Variants in WWOX observed in about 807,000 individuals in gnomAD.
WWOX encodes WW domain containing oxidoreductase, also known as WW domain-containing oxidoreductase.
In WWOX, 69 loss-of-function variants were observed where a neutral mutation model predicts 46.2. That is an observed-to-expected ratio of 1.49 (90% CI 1.23 to 1.82). The LOEUF (loss-of-function observed/expected upper bound fraction) is 1.82, where lower values mean the gene tolerates loss of function less well. Among genes scored for constraint, WWOX ranks in the 40% most tolerant of loss-of-function variants. WWOX has a pLI of 0.00. For missense variants in WWOX, 919 were observed against 542.6 expected (o/e 1.69, Z -6.89); for synonymous variants, 359 against 202.6 (o/e 1.77, Z -6.56).
At chr16:78,568,226 C>G in intron 8 of WWOX, among the ~76,000 whole-genome samples, 1 of 152,010 alleles carries the variant, frequency 6.6e-6, no homozygotes, top group East Asian at 1.9e-4. Context: ...ATAGTAACTG[C>G]CTTGAGTGGG....
chr16:78,112,616 T>C (rs184183604), intron 3 of WWOX, among the ~76,000 whole-genome samples: 2 of 152,322 alleles, frequency 1.3e-5, no homozygotes, highest in East Asian at 3.8e-4. Context: ...TGAAAGTTTT[T>C]TTTCCTCAAC....
chr16:78,243,005 C>CA (rs959106057), intron 5 of WWOX, among the ~76,000 whole-genome samples: 16 of 151,572 alleles, frequency 1.1e-4, no homozygotes, highest in Non-Finnish European at 1.9e-4. Context: ...GAGACTGTCT[C>CA]AAAAAAAACC....
At chr16:78,346,048 T>TCCAG (rs1334097752) in intron 5 of WWOX, among the ~76,000 whole-genome samples, 2 of 121,500 alleles carry the variant, frequency 1.6e-5, no homozygotes, top group Non-Finnish European at 3.9e-5. Flanking sequence ...CAGCCTCAGC[T>TCCAG]CCAGGAAAAC....
intron 5 of WWOX, among the ~76,000 whole-genome samples, chr16:78,380,911 C>T (rs910279084): frequency 4.6e-5 from 7 of 152,186 alleles, no homozygotes; most frequent in Non-Finnish European, 1.0e-4. Flanking sequence ...ATGATAATAG[C>T]ATATATTGAG....
At chr16:78,648,980 T>G (rs1447858101) in intron 8 of WWOX, among the ~76,000 whole-genome samples, 1 of 152,162 alleles carries the variant, frequency 6.6e-6, no homozygotes, top group African/African-American at 2.4e-5. Flanking sequence ...CTTATTTATT[T>G]GTTTATTTTT....
intron 8 of WWOX, among the ~76,000 whole-genome samples, chr16:78,831,958 G>T (rs1454727386): frequency 6.6e-6 from 1 of 152,120 alleles, no homozygotes; most frequent in African/African-American, 2.4e-5. Context: ...TACCTGTGTT[G>T]CTCTTGTCAC....
At chr16:78,144,829 C>T (rs899289295) in intron 4 of WWOX, among the ~76,000 whole-genome samples, 2 of 151,840 alleles carry the variant, frequency 1.3e-5, no homozygotes, top group East Asian at 3.9e-4. Context: ...CCTGCCGTTA[C>T]TTTTAATGGC....
At chr16:78,447,544 C>T (rs1449746867) in intron 8 of WWOX, among the ~76,000 whole-genome samples, 1 of 152,210 alleles carries the variant, frequency 6.6e-6, no homozygotes, top group Admixed American at 6.5e-5. Flanking sequence ...TTCAACTACA[C>T]TTAGGTAAAT....
intron 8 of WWOX, among the ~76,000 whole-genome samples, chr16:78,971,503 G>C (rs1041414346): frequency 1.8e-4 from 27 of 149,940 alleles, no homozygotes; most frequent in Non-Finnish European, 3.0e-5. Context: ...AACAGGTGTC[G>C]TAGGTCATGT....
intron 8 of WWOX, among the ~76,000 whole-genome samples, chr16:79,042,785 A>G (rs1319214441): frequency 6.8e-6 from 1 of 148,052 alleles, no homozygotes. Context: ...TCAAATGCAC[A>G]TTTGTCTAAT....
intron 8 of WWOX, among the ~76,000 whole-genome samples, chr16:78,717,876 G>A (rs2048601899): frequency 6.6e-6 from 1 of 152,162 alleles, no homozygotes. Flanking sequence ...TGAGGAAGGA[G>A]CTGTGTACTG....
intron 8 of WWOX, among the ~76,000 whole-genome samples, chr16:78,915,226 G>GATTAAGGGATTCCCTT (rs2045219754): frequency 6.6e-6 from 1 of 152,126 alleles, no homozygotes; most frequent in Non-Finnish European, 1.5e-5. Context: ...CATTTGGGTT[G>GATTAAGGGATTCCCTT]TACCGATTAA....
chr16:78,353,964 C>T (rs1018118847), intron 5 of WWOX, among the ~76,000 whole-genome samples: 6 of 152,214 alleles, frequency 3.9e-5, no homozygotes, highest in Non-Finnish European at 7.3e-5. Flanking sequence ...TCACCTCCAT[C>T]GCTTTCGTGC....
intron 8 of WWOX, among the ~76,000 whole-genome samples, chr16:78,555,892 G>A (rs968510781): frequency 4.6e-5 from 7 of 152,132 alleles, no homozygotes; most frequent in South Asian, 4.2e-4. Flanking sequence ...TGATGTCTCC[G>A]ATTCTTAAAA....
At chr16:78,893,432 T>G (rs953409284) in intron 8 of WWOX, among the ~76,000 whole-genome samples, 10 of 152,048 alleles carry the variant, frequency 6.6e-5, no homozygotes, top group African/African-American at 2.4e-4. Flanking sequence ...TGACTTCTCT[T>G]TTCTTTTATT....
chr16:78,489,506 A>G (rs2084725941), intron 8 of WWOX, among the ~76,000 whole-genome samples: 1 of 152,202 alleles, frequency 6.6e-6, no homozygotes, highest in Non-Finnish European at 1.5e-5. Context: ...TCCCAGTGAG[A>G]CTTCAGTTTT....
intron 8 of WWOX, among the ~76,000 whole-genome samples, chr16:78,876,754 G>T (rs547428527): frequency 6.6e-6 from 1 of 152,082 alleles, no homozygotes; most frequent in African/African-American, 2.4e-5. Flanking sequence ...ACTAAAAGAA[G>T]ATTAACCAAA....
chr16:79,128,155 A>T (rs146160442), intron 8 of WWOX, among the ~76,000 whole-genome samples: 2 of 152,066 alleles, frequency 1.3e-5, no homozygotes, highest in South Asian at 2.1e-4. Context: ...GAAGAAGACA[A>T]TGGCTGTGGT....
At chr16:78,449,656 C>G (rs1799179383) in intron 8 of WWOX, among the ~76,000 whole-genome samples, 1 of 152,040 alleles carries the variant, frequency 6.6e-6, no homozygotes, top group African/African-American at 2.4e-5. Flanking sequence ...CCAAATGCAC[C>G]CATTTAAAAC....
Sources: allele counts gnomAD v4.1 joint callset (sites outside exome capture counted in the v4.1 genomes callset), GRCh38; gene constraint gnomAD v4.1.1; transcripts MANE v1.5; gene names NCBI Gene and HGNC (gene_info 2026-07-23, HGNC 2026-07-21).